The following ERMARD variants were observed in gnomAD, a reference collection of about 807,000 sequenced individuals.
ERMARD encodes the protein endoplasmic reticulum membrane-associated RNA degradation protein.
A neutral mutation model predicts 83.9 loss-of-function variants in ERMARD; 71 were observed. The ratio of observed to expected loss-of-function variants is 0.85; its 90% CI spans 0.70 to 1.03. ERMARD has a LOEUF of 1.03. ERMARD is among the 50% of genes least tolerant of loss of function. The pLI is 0.00. For missense variants in ERMARD, 838 were observed against 810.9 expected (o/e 1.03, Z -0.41); for synonymous variants, 284 against 298.6 (o/e 0.95, Z 0.50).
At chr6:169,777,723 G>A (rs539305610) in intron 16 of ERMARD, among the ~76,000 whole-genome samples, 1 of 152,146 alleles carries the variant, frequency 6.6e-6, no homozygotes, top group African/African-American at 2.4e-5. Flanking sequence ...TCCAGGTGGT[G>A]GTTAAATGAG....
At chr6:169,776,428 C>T in intron 15 of ERMARD, 27 bp from the exon 16 acceptor site, 1 of 1,605,898 alleles carries the variant, frequency 6.2e-7, no homozygotes, top group Non-Finnish European at 8.5e-7. Flanking sequence ...ATCATGATGC[C>T]TGCTCCAAGT....
At chr6:169,781,174 T>A (rs1455969177) in intron 17 of ERMARD, among the ~76,000 whole-genome samples, 156 bp from the exon 18 acceptor site, 4 of 152,266 alleles carry the variant, frequency 2.6e-5, no homozygotes, top group Non-Finnish European at 5.9e-5. Flanking sequence ...TGTATTCTCT[T>A]ATTTTTTATT....
intron 12 of ERMARD, 59 bp downstream of exon 12, chr6:169,769,772 G>C: frequency 7.0e-7 from 1 of 1,420,714 alleles, no homozygotes; most frequent in Non-Finnish European, 9.4e-7. Context: ...TGAAAATATA[G>C]TTTATTTTTC....
chr6:169,768,067 A>G, intron 10 of ERMARD, 36 bp from the exon 11 acceptor site: 1 of 1,541,770 alleles, frequency 6.5e-7, no homozygotes, highest in Non-Finnish European at 9.0e-7. Context: ...ATGTATGGGG[A>G]CCAGTTAACC....
At position 169,768,163 on chromosome 6, in the gene ERMARD, C is replaced by T. The variant is rs1792451620; in HGVS notation, c.1051C>T (p.Pro351Ser). The change falls in exon 11 of 18, where the codon CCT (proline) becomes TCT (serine). Residue 351 changes from proline (P) to serine (S), a missense_variant. By Grantham distance (74) the Pro-to-Ser change is moderately conservative. Coordinates refer to ENST00000366773, the MANE Select transcript of ERMARD (RefSeq NM_018341.3). ...TCAGCTTCCTCTTTTCCTTGGAGAG[C>T]CTGCTATGGTAAGTATTAGGTATTT... ...INQLPLFLGE[P>S]AMEFLWDFLN... is the part of the protein sequence containing the mutation. The T allele has an allele frequency of 6.2e-7, 1 of 1,613,758 alleles. No homozygotes were observed. The highest frequency in any genetic ancestry group is 2.2e-5 in the East Asian group (1 of 44,860).
intron 17 of ERMARD, among the ~76,000 whole-genome samples, chr6:169,779,871 TGA>T (rs1794010792): frequency 6.6e-6 from 1 of 152,250 alleles, no homozygotes; most frequent in African/African-American, 2.4e-5. Flanking sequence ...GACACTTGTG[TGA>T]CCCACTTTAC....
chr6:169,757,405 C>T (rs1335826536), intron 5 of ERMARD, among the ~76,000 whole-genome samples: 1 of 152,128 alleles, frequency 6.6e-6, no homozygotes, highest in Non-Finnish European at 1.5e-5. Context: ...AGCATGTTGC[C>T]TCGATCAATT....
chr6:169,757,847 A>T (rs1476331603), intron 5 of ERMARD, among the ~76,000 whole-genome samples: 1 of 152,248 alleles, frequency 6.6e-6, no homozygotes, highest in Non-Finnish European at 1.5e-5. Flanking sequence ...GAAGATAAAA[A>T]GTACAAACCT....
At chr6:169,755,804 G>A (rs1373169985) in intron 3 of ERMARD, 1 of 180,098 alleles carries the variant, frequency 5.6e-6, no homozygotes. Context: ...TGTTAATGGG[G>A]AACTGAAGGG....
In ERMARD at chr6:169,776,523, T is replaced by C. The variant is rs141119961; in HGVS notation, c.1589T>C (p.Leu530Pro). 3.6e-4 allele frequency: 579 copies of C among 1,614,188 alleles called. 2 individuals are homozygous for C. In the African/African-American group the frequency reaches 6.1e-3, roughly 17 times the overall value. Reference sequence around the variant, plus strand: ...ACCCTGTTCTGCCCCAGGATTGTGCTGGAAGTGCTGGTTGTGCTCCGAAGC... The same window carrying C: ...ACCCTGTTCTGCCCCAGGATTGTGCCGGAAGTGCTGGTTGTGCTCCGAAGC... The part of the protein sequence containing the change: ...VPTLFCPRIV[L>P]EVLVVLRSIS... The change falls in exon 16 of 18, where the codon CTG becomes CCG. Residue 530 changes from leucine (L) to proline (P), a missense_variant. Physicochemically the swap from Leu to Pro is moderately conservative, Grantham distance 98. Coordinates refer to ENST00000366773, the MANE Select transcript of ERMARD (RefSeq NM_018341.3).
Position 169,754,051 on chromosome 6 carries a change from C to A in ERMARD, c.175+19C>A. On this transcript the variant is annotated intron_variant, in intron 2 of 17. Coordinates refer to ENST00000366773, the MANE Select transcript of ERMARD (RefSeq NM_018341.3). ...GAGTCAGGTTTGTGCTGTCTTTGTA[C>A]TCCAAACTTTCATAACTGTCCCATT... 1 of 1,584,926 alleles carries A rather than the reference C, an allele frequency of 6.3e-7. No individual in the cohort carries two copies. The highest frequency in any genetic ancestry group is 1.1e-5 in the South Asian group (1 of 87,382).
At chr6:169,759,112 A>G (rs1791200932) in intron 6 of ERMARD, 47 bp downstream of exon 6, 1 of 1,482,670 alleles carries the variant, frequency 6.7e-7, no homozygotes, top group African/African-American at 1.4e-5. Flanking sequence ...GATCTACCAA[A>G]GAGTTTTTTA....
At chr6:169,757,576 C>T (rs1009268766) in intron 5 of ERMARD, among the ~76,000 whole-genome samples, 1 of 152,118 alleles carries the variant, frequency 6.6e-6, no homozygotes, top group African/African-American at 2.4e-5. Flanking sequence ...CATGCAGTTA[C>T]TATACTATAT....
In ERMARD at chr6:169,759,026, T is replaced by TA; in HGVS notation, c.567dup (p.Trp190MetfsTer8). ...TGTGGTCTCAACCTGCGTAACGTCT[T>TA]ATGGCATGGGTTTGCGTCACCTGAA... On this transcript the variant is annotated frameshift_variant, in exon 6 of 18. Transcript: ENST00000366773. LOFTEE classifies it high-confidence loss of function. 6.2e-7 allele frequency: 1 copy of TA among 1,614,148 alleles called. No homozygotes were observed. The highest frequency in any genetic ancestry group is 8.5e-7 in the Non-Finnish European group (1 of 1,180,034).
At chr6:169,777,544 C>T (rs1277574662) in intron 16 of ERMARD, among the ~76,000 whole-genome samples, 1 of 152,180 alleles carries the variant, frequency 6.6e-6, no homozygotes, top group Non-Finnish European at 1.5e-5. Context: ...TAAGTTCCCA[C>T]AGCATGTTTC....
At chr6:169,776,115 T>G (rs1793564538) in intron 15 of ERMARD, 50 bp downstream of exon 15, 1 of 1,600,676 alleles carries the variant, frequency 6.2e-7, no homozygotes, top group Non-Finnish European at 8.5e-7. Context: ...TTCAGCAGAT[T>G]AGCATAGCAA....
rs1379013848 is a variant in ERMARD at position 169,769,706 on chromosome 6, T to G, written c.1226T>G (p.Val409Gly). 3.1e-6 allele frequency: 5 copies of G among 1,596,340 alleles called. No individual in the cohort carries two copies. Among genetic ancestry groups the G allele is most frequent in the Non-Finnish European group, 4.3e-6 (5 of 1,171,236 alleles). The change falls in exon 12 of 18, where the codon GTT (valine) becomes GGT (glycine). Residue 409 changes from valine (V) to glycine (G), a missense_variant. Val to Gly is a moderately radical substitution (Grantham distance 109). Transcript: ENST00000366773. ...TTCGTTGATGACTGTCTGCTATCAG[T>G]TTTTAAGGTAATTTATAGGGAAGAA... ...LRFVDDCLLS[V>G]FKEKSAVELL...
At chr6:169,778,963 G>A (rs544666343) in intron 16 of ERMARD, among the ~76,000 whole-genome samples, 4 of 152,352 alleles carry the variant, frequency 2.6e-5, no homozygotes, top group African/African-American at 7.2e-5. Flanking sequence ...CAAGAAATGC[G>A]GACGTGCAGG....
Position 169,754,010 on chromosome 6 carries a change from CTG to C in ERMARD, c.158_159del (p.Val53GlufsTer23), listed in dbSNP as rs1286176821. The C allele has an allele frequency of 3.1e-6, 5 of 1,612,978 alleles. No homozygotes were observed. The highest frequency in any genetic ancestry group is 1.7e-5 in the Admixed American group (1 of 59,850). ...AAGTATGCTGGAAAACAATCACAGA[CTG>C]TGTGAGCTACACAGAGTCAGGTTTG... ...GEVCWKTITD[C>X]VSYTESEQGL... On this transcript the variant is annotated frameshift_variant, in exon 2 of 18. Transcript: ENST00000366773. LOFTEE classifies it high-confidence loss of function.
Sources: gnomAD v4.1 joint callset for allele counts (sites outside exome capture counted in the v4.1 genomes callset) on GRCh38, gnomAD v4.1.1 for gene constraint, MANE v1.5 for transcripts, NCBI Gene and HGNC (gene_info 2026-07-23, HGNC 2026-07-21) for gene names.